ZDHHC7: variants seen among roughly 807,000 people sequenced by gnomAD.
ZDHHC7 encodes palmitoyltransferase ZDHHC7.
In ZDHHC7, 12 loss-of-function variants were observed where a neutral mutation model predicts 34.1. The observed-to-expected ratio is 0.35, with a 90% CI of 0.23 to 0.57. The LOEUF (loss-of-function observed/expected upper bound fraction) is 0.57, where lower values mean the gene tolerates loss of function less well. Among genes scored for constraint, ZDHHC7 ranks in the 20% least tolerant of loss-of-function variants. The probability of loss-of-function intolerance (pLI) is 0.84; values close to 1 mark genes in which losing one functional copy is unlikely to be tolerated. For missense variants in ZDHHC7, 388 were observed against 402.7 expected, an observed-to-expected ratio of 0.96 and a Z score of 0.31; for synonymous variants, 185 against 155.4, an observed-to-expected ratio of 1.19 and a Z score of -1.42.
At chr16:84,998,793 G>A (rs543801749) in intron 1 of ZDHHC7, among the ~76,000 whole-genome samples, 1 of 115,172 alleles carries the variant, frequency 8.7e-6, no homozygotes, top group Non-Finnish European at 1.7e-5. Context: ...TCACTCCTTT[G>A]CCCAGGCTGG....
In ZDHHC7 at chr16:84,982,189, C is replaced by A. The variant is rs1007353961; in HGVS notation, c.316-195G>T. On this transcript the variant is annotated intron_variant, in intron 3 of 7. Coordinates refer to ENST00000313732, the MANE Select transcript of ZDHHC7 (RefSeq NM_017740.3). ...TGAAACCCCGTCTCTACTAAAGATA[C>A]AAAAAATTAGCCAGGCGCGGTGGCA... 1.5e-5 allele frequency: 8 copies of A among 534,778 alleles called. No homozygotes were observed. The African/African-American group carries it at 1.6e-4, about 10-fold the overall frequency. 33.1% of individuals were successfully genotyped at this position (534,778 alleles called of 1,614,324 possible).
upstream of ZDHHC7, among the ~76,000 whole-genome samples, chr16:85,013,218 CA>C: frequency 6.6e-6 from 1 of 152,074 alleles, no homozygotes. Context: ...CATTTCTCTA[CA>C]AAAGTATTGT....
chr16:85,024,747 A>G, the ZDHHC7 span, among the ~76,000 whole-genome samples: 1 of 152,112 alleles, frequency 6.6e-6, no homozygotes, highest in Non-Finnish European at 1.5e-5. Flanking sequence ...TCTCCACTCA[A>G]GTAGTATGAG....
chr16:84,978,694 C>T (rs1376484398), intron 5 of ZDHHC7, among the ~76,000 whole-genome samples: 2 of 152,052 alleles, frequency 1.3e-5, no homozygotes, highest in African/African-American at 4.8e-5. Flanking sequence ...GAAACCCCAT[C>T]TCTACGAAAA....
upstream of ZDHHC7, among the ~76,000 whole-genome samples, chr16:85,015,707 T>A (rs1475913029): frequency 1.3e-5 from 2 of 151,864 alleles, no homozygotes; most frequent in Admixed American, 1.3e-4. Context: ...TGGCTGGGCG[T>A]GGTGGCGTAT....
chr16:84,998,398 C>T (rs976438125), intron 1 of ZDHHC7, among the ~76,000 whole-genome samples: 2 of 152,134 alleles, frequency 1.3e-5, no homozygotes, highest in Non-Finnish European at 2.9e-5. Flanking sequence ...GCTTCGGCGC[C>T]GGCTGCCTGG....
chr16:85,024,898 T>A, the ZDHHC7 span, among the ~76,000 whole-genome samples: 1 of 152,182 alleles, frequency 6.6e-6, no homozygotes, highest in Non-Finnish European at 1.5e-5. Flanking sequence ...CTGAAAGTAT[T>A]GAAAGAGAAG....
chr16:84,993,104 T>C (rs915725031), intron 2 of ZDHHC7, among the ~76,000 whole-genome samples: 2 of 152,134 alleles, frequency 1.3e-5, no homozygotes, highest in Non-Finnish European at 2.9e-5. Context: ...AGAAGGATCA[T>C]TTGAGCCCAG....
In ZDHHC7 at chr16:84,988,382, G is replaced by T. The variant is rs113119781; in HGVS notation, c.315+1922C>A. 1.7e-3 allele frequency among the ~76,000 whole-genome samples: 255 copies of T among 152,268 alleles called. 1 individual carries two copies. The highest frequency in any genetic ancestry group is 5.9e-3 in the African/African-American group (247 of 41,542). ...CACTAAACACCACGGGACTACACAC[G>T]AGGATGGATTTAGTGCTATGTGAAT... On this transcript the variant is annotated intron_variant, in intron 3 of 7. Coordinates refer to ENST00000313732, the MANE Select transcript of ZDHHC7 (RefSeq NM_017740.3).
Position 84,990,647 on chromosome 16 carries a change from G to A in ZDHHC7, c.-17-12C>T. ...TTCCCTGACGCACCCTGGGGAGGGGGACGACACAGAGCTGGTAAGGCTCAA... is the reference window on the plus strand; with the variant it reads ...TTCCCTGACGCACCCTGGGGAGGGGAACGACACAGAGCTGGTAAGGCTCAA... On this transcript the variant is annotated splice_polypyrimidine_tract_variant and intron_variant, in intron 2 of 7. Transcript: ENST00000313732. 1.2e-6 allele frequency: 2 copies of A among 1,603,116 alleles called. No individual in the cohort carries two copies.
At chr16:85,008,751 G>GAA (rs34299642) in intron 1 of ZDHHC7, among the ~76,000 whole-genome samples, 1 of 146,874 alleles carries the variant, frequency 6.8e-6, no homozygotes. Flanking sequence ...AGGGTTTGAA[G>GAA]AAAAAAAAAA....
chr16:85,026,677 A>G, the ZDHHC7 span, among the ~76,000 whole-genome samples: 1 of 151,544 alleles, frequency 6.6e-6, no homozygotes, highest in Non-Finnish European at 1.5e-5. Flanking sequence ...TAAGTGATAG[A>G]ACTTGTTTCT....
At chr16:85,026,450 G>C in the ZDHHC7 span, among the ~76,000 whole-genome samples, 1 of 152,102 alleles carries the variant, frequency 6.6e-6, no homozygotes, top group Non-Finnish European at 1.5e-5. Flanking sequence ...GCCACACCCA[G>C]TTGGTCAAAC....
chr16:85,015,570 G>C (rs1420897911), upstream of ZDHHC7, among the ~76,000 whole-genome samples: 1 of 152,118 alleles, frequency 6.6e-6, no homozygotes, highest in African/African-American at 2.4e-5. Context: ...TATACTTTGG[G>C]CCAGGCACGG....
chr16:84,994,878 A>C (rs1490333973), intron 2 of ZDHHC7, among the ~76,000 whole-genome samples: 1 of 152,242 alleles, frequency 6.6e-6, no homozygotes. Flanking sequence ...GGCTGGACAA[A>C]TACAGCTCTC....
chr16:84,976,216 G>T lies in ZDHHC7; in HGVS notation c.*127C>A. ...ACTATAAATATATAAAACTCTGCTT[G>T]CTGCAAGCAATTGGTTTGTGTAGGT... On this transcript the variant is annotated 3_prime_UTR_variant, in exon 8 of 8. Transcript: ENST00000313732. 1 of 1,197,836 alleles carries T rather than the reference G, an allele frequency of 8.3e-7. No individual in the cohort carries two copies. The allele number at this position is 1,197,836 out of a possible 1,614,324, so 74.2% of individuals were successfully genotyped here.
Position 84,976,066 on chromosome 16 carries a change from C to T in ZDHHC7, c.*277G>A, listed in dbSNP as rs983104797. The T allele has an allele frequency of 6.9e-6, 3 of 436,652 alleles. No homozygotes were observed. Among genetic ancestry groups the T allele is most frequent in the Non-Finnish European group, 1.2e-5 (3 of 246,062 alleles). The allele number at this position is 436,652 out of a possible 1,614,324, so 27.0% of individuals were successfully genotyped here. A position where few individuals can be genotyped will look rare whatever the true frequency, so the allele number is the denominator to read the frequency against. On this transcript the variant is annotated 3_prime_UTR_variant, in exon 8 of 8. Transcript: ENST00000313732. ...GATTTGAATAACCCATGTAATAACC[C>T]GAAGTATTCTCCACAGAAGCCCCAG...
At chr16:84,987,454 T>C (rs1219384153) in intron 3 of ZDHHC7, among the ~76,000 whole-genome samples, 1 of 152,116 alleles carries the variant, frequency 6.6e-6, no homozygotes, top group Admixed American at 6.5e-5. Context: ...GTTTGTTTTT[T>C]TTTTTTCATC....
intron 1 of ZDHHC7, among the ~76,000 whole-genome samples, chr16:84,997,267 C>CTTTTTTTTTT (rs34612029): frequency 9.0e-6 from 1 of 111,312 alleles, no homozygotes; most frequent in Non-Finnish European, 1.7e-5. Context: ...CTAAATTTTC[C>CTTTTTTTTTT]TTTTTTTTTT....
Sources: gnomAD v4.1 joint callset for allele counts (sites outside exome capture counted in the v4.1 genomes callset) on GRCh38, gnomAD v4.1.1 for gene constraint, MANE v1.5 for transcripts, NCBI Gene and HGNC (gene_info 2026-07-23, HGNC 2026-07-21) for gene names.